ANKRD31: variants seen among roughly 807,000 people sequenced by gnomAD.
The protein encoded by ANKRD31 is ankyrin repeat domain 31.
In ANKRD31, 147 loss-of-function variants were observed where a neutral mutation model predicts 186.0. The ratio of observed to expected loss-of-function variants is 0.79; its 90% CI spans 0.69 to 0.91. The LOEUF (loss-of-function observed/expected upper bound fraction) is 0.91. Among genes scored for constraint, ANKRD31 ranks in the 40% least tolerant of loss-of-function variants. The pLI is 0.00. For synonymous variants in ANKRD31, 673 were observed against 736.4 expected, an observed-to-expected ratio of 0.91 and a Z score of 1.39; for missense variants, 1,986 against 2,148.8, an observed-to-expected ratio of 0.92 and a Z score of 1.50.
chr5:75,215,375 G>A (rs970043183), intron 3 of ANKRD31, among the ~76,000 whole-genome samples: 1 of 152,076 alleles, frequency 6.6e-6, no homozygotes, highest in Non-Finnish European at 1.5e-5. Context: ...CTGTGACCCA[G>A]CCAAGTTGAC....
chr5:75,233,623 G>A (rs961705967), intron 1 of ANKRD31, among the ~76,000 whole-genome samples: 7 of 151,900 alleles, frequency 4.6e-5, no homozygotes, highest in African/African-American at 1.7e-4. Context: ...GCCAATAAAA[G>A]TACCAATAAG....
intron 19 of ANKRD31, among the ~76,000 whole-genome samples, chr5:75,112,936 T>C (rs1747901722): frequency 6.6e-6 from 1 of 152,220 alleles, no homozygotes; most frequent in Non-Finnish European, 1.5e-5. Flanking sequence ...TGAAAGTGCA[T>C]ACATATAACA....
chr5:75,197,690 G>A (rs890821459), intron 6 of ANKRD31, among the ~76,000 whole-genome samples: 2 of 152,044 alleles, frequency 1.3e-5, no homozygotes, highest in East Asian at 3.9e-4. Flanking sequence ...TGAAGTCCTC[G>A]CACCAGGTAT....
intron 17 of ANKRD31, among the ~76,000 whole-genome samples, chr5:75,125,427 T>C (rs1485823476): frequency 6.6e-6 from 1 of 152,206 alleles, no homozygotes; most frequent in Non-Finnish European, 1.5e-5. Context: ...TGCATTCTTT[T>C]AAAACACAGA....
At chr5:75,190,602 T>C (rs1331697179) in intron 9 of ANKRD31, among the ~76,000 whole-genome samples, 1 of 101,862 alleles carries the variant, frequency 9.8e-6, no homozygotes, top group East Asian at 2.4e-4. Context: ...TTGAGGTGCT[T>C]ATATATGTGT....
At chr5:75,234,078 C>T (rs1446831286) in intron 1 of ANKRD31, among the ~76,000 whole-genome samples, 2 of 152,042 alleles carry the variant, frequency 1.3e-5, no homozygotes, top group East Asian at 3.8e-4. Context: ...ACAAATTATC[C>T]CTTTATGACA....
In ANKRD31 at chr5:75,139,882, T is replaced by G. The variant is rs1750884798; in HGVS notation, c.3596-899A>C. ...TATAAGATCTTTTACATAGAAAAGT[T>G]GGGACTCCAAGTTTCCTTCCCCAAC... On this transcript the variant is annotated intron_variant, in intron 15 of 25. Transcript: ENST00000506364. Among the ~76,000 whole-genome samples the G allele has an allele frequency of 2.0e-5, 3 of 152,112 alleles. No individual in the cohort carries two copies. The South Asian group carries it at 6.2e-4, about 32-fold the overall frequency.
chr5:75,096,363 G>GT (rs994704346), intron 22 of ANKRD31, among the ~76,000 whole-genome samples: 3 of 151,784 alleles, frequency 2.0e-5, no homozygotes, highest in Non-Finnish European at 2.9e-5. Flanking sequence ...GGGATCATTT[G>GT]TTTTTTTTCT....
intron 7 of ANKRD31, 133 bp downstream of exon 7, chr5:75,195,498 T>G (rs1388296752): frequency 2.7e-6 from 2 of 730,364 alleles, no homozygotes; most frequent in African/African-American, 3.6e-5. Flanking sequence ...GAAAACTTGT[T>G]GAAGTTTAAA....
At position 75,224,128 on chromosome 5, in the gene ANKRD31, A is replaced by ATTAT. The variant is rs1190976415; in HGVS notation, c.179-1774_179-1771dup. On this transcript the variant is annotated intron_variant, in intron 2 of 25. Transcript: ENST00000506364. ...AAAAGGAAGAGATCTCTCAGAAATA[A>ATTAT]TTATATATATATATATATATATATA... is the stretch of plus-strand genomic sequence containing the variant. Among the ~76,000 whole-genome samples the ATTAT allele has an allele frequency of 1.9e-3, 190 of 98,766 alleles. 4 individuals carry two copies. The highest frequency in any genetic ancestry group is 3.0e-3 in the African/African-American group (81 of 26,920). The allele number at this position is 98,766 out of a possible 152,430, so 64.8% of individuals were successfully genotyped here.
At chr5:75,152,895 A>G (rs571615845) in intron 12 of ANKRD31, among the ~76,000 whole-genome samples, 1 of 152,094 alleles carries the variant, frequency 6.6e-6, no homozygotes, top group Non-Finnish European at 1.5e-5. Context: ...CTATGGATAT[A>G]TTTTTAATAT....
At chr5:75,068,806 C>A in intron 25 of ANKRD31, 142 bp from the exon 26 acceptor site, 1 of 836,932 alleles carries the variant, frequency 1.2e-6, no homozygotes, top group Non-Finnish European at 1.7e-6. Flanking sequence ...TTTCCCTCAA[C>A]CTATTTTCTG....
chr5:75,132,216 C>T (rs1178557959), intron 17 of ANKRD31, among the ~76,000 whole-genome samples: 2 of 152,208 alleles, frequency 1.3e-5, no homozygotes, highest in Admixed American at 6.5e-5. Flanking sequence ...GAACAAACTT[C>T]TCTGAGCTAA....
intron 25 of ANKRD31, among the ~76,000 whole-genome samples, chr5:75,077,931 C>CA (rs56910458): frequency 0.086 from 5,727 of 66,418 alleles, 523 homozygotes; most frequent in African/African-American, 0.15. Flanking sequence ...GACTCCGTCT[C>CA]AAAAAAAAAA....
At chr5:75,078,939 A>G (rs534095949) in intron 25 of ANKRD31, among the ~76,000 whole-genome samples, 1 of 152,244 alleles carries the variant, frequency 6.6e-6, no homozygotes, top group South Asian at 2.1e-4. Flanking sequence ...TTTAAAACTT[A>G]AAAGGACTTG....
At chr5:75,235,977 G>T (rs769156716) in intron 1 of ANKRD31, among the ~76,000 whole-genome samples, 18 of 152,170 alleles carry the variant, frequency 1.2e-4, no homozygotes, top group Non-Finnish European at 2.5e-4. Flanking sequence ...TTCTGTGTAC[G>T]ATCCAACTTA....
intron 22 of ANKRD31, 99 bp from the exon 23 acceptor site, chr5:75,091,500 C>CCTG: frequency 9.6e-7 from 1 of 1,036,698 alleles, no homozygotes; most frequent in South Asian, 1.8e-5. Context: ...CACATATACC[C>CCTG]TAACACCTGA....
intron 5 of ANKRD31, among the ~76,000 whole-genome samples, chr5:75,202,871 G>A (rs917423516): frequency 6.6e-6 from 1 of 152,210 alleles, no homozygotes; most frequent in African/African-American, 2.4e-5. Flanking sequence ...CCAATTCTAA[G>A]GATCTCTAGT....
At chr5:75,104,142 A>G in intron 22 of ANKRD31, 86 bp downstream of exon 22, 1 of 1,178,822 alleles carries the variant, frequency 8.5e-7, no homozygotes, top group Non-Finnish European at 1.2e-6. Context: ...CCCTAATCAG[A>G]GCTAAATGTC....
Sources: gnomAD v4.1 joint callset for allele counts (sites outside exome capture counted in the v4.1 genomes callset) on GRCh38, gnomAD v4.1.1 for gene constraint, MANE v1.5 for transcripts, NCBI Gene and HGNC (gene_info 2026-07-23, HGNC 2026-07-21) for gene names.